The following ZKSCAN7 variants were observed in gnomAD, a reference collection of about 807,000 sequenced individuals.
ZKSCAN7 encodes the protein zinc finger protein with KRAB and SCAN domains 7.
In ZKSCAN7, 38 loss-of-function variants were observed where a neutral mutation model predicts 65.3. That is an observed-to-expected ratio of 0.58 (90% CI 0.45 to 0.76). The LOEUF is 0.76. Among genes scored for constraint, ZKSCAN7 ranks in the 30% least tolerant of loss-of-function variants. The pLI is 0.00. For synonymous variants in ZKSCAN7, 321 were observed against 321.0 expected (o/e 1.00, Z 0.00); for missense variants, 815 against 913.3 (o/e 0.89, Z 1.39).
intron 2 of ZKSCAN7, among the ~76,000 whole-genome samples, chr3:44,558,545 GAA>G (rs1575355892): frequency 1.3e-5 from 2 of 148,986 alleles, no homozygotes; most frequent in Non-Finnish European, 3.0e-5. Flanking sequence ...AAAAAGAAAA[GAA>G]AGAGAGATTT....
At chr3:44,555,955 TC>T (rs1699280435) in intron 1 of ZKSCAN7, among the ~76,000 whole-genome samples, 1 of 152,218 alleles carries the variant, frequency 6.6e-6, no homozygotes, top group Non-Finnish European at 1.5e-5. Flanking sequence ...TGACTGGAAG[TC>T]AGCTCTGCCC....
rs751607091 is a variant in ZKSCAN7 at position 44,571,352 on chromosome 3, G to A, written c.2242G>A (p.Gly748Ser). 1.9e-6 allele frequency: 3 copies of A among 1,614,154 alleles called. No homozygotes were observed. Among genetic ancestry groups the A allele is most frequent in the Non-Finnish European group, 2.5e-6 (3 of 1,180,036 alleles). ...AACTCACACTGGAGAGAAGTCCTCA[G>A]GTCTGGCTTGGTCAGTTTCTTAAGG... Reference protein sequence around the residue: ...QRTHTGEKSSGLAWSVS With the variant: ...QRTHTGEKSSSLAWSVS The change falls in exon 6 of 6, where the codon GGT becomes AGT. Residue 748 changes from glycine (G) to serine (S), a missense_variant. Coordinates refer to ENST00000426540, the MANE Select transcript of ZKSCAN7 (RefSeq NM_001288590.2).
chr3:44,566,773 C>T (rs909833437), intron 3 of ZKSCAN7, among the ~76,000 whole-genome samples: 4 of 151,558 alleles, frequency 2.6e-5, no homozygotes, highest in African/African-American at 4.9e-5. Context: ...CTTAGAACTA[C>T]AGGCATGCCA....
chr3:44,571,250 A>G lies in ZKSCAN7; in HGVS notation c.2140A>G (p.Thr714Ala), dbSNP rs773766099. ...SQLIVHQRVH[T>A]GEKPYECSEC... ...GCTTATTGTACACCAGAGAGTCCAC[A>G]CCGGAGAGAAACCTTATGAATGTAG... is the stretch of plus-strand genomic sequence containing the variant. The change falls in exon 6 of 6, where the codon ACC becomes GCC. Residue 714 changes from threonine to alanine, a missense_variant. Physicochemically the swap from Thr to Ala is moderately conservative, Grantham distance 58. This residue lies in a region of ZKSCAN7 where 578 missense variants were observed against 629.5 expected (regional missense o/e 0.92). Coordinates refer to ENST00000426540, the MANE Select transcript of ZKSCAN7 (RefSeq NM_001288590.2). The G allele has an allele frequency of 1.9e-6, 3 of 1,614,074 alleles. No homozygotes were observed. Among genetic ancestry groups the G allele is most frequent in the African/African-American group, 2.7e-5 (2 of 74,910 alleles).
chr3:44,573,791 A>G (rs1325535006), downstream of ZKSCAN7, among the ~76,000 whole-genome samples: 1 of 152,142 alleles, frequency 6.6e-6, no homozygotes, highest in Non-Finnish European at 1.5e-5. Flanking sequence ...TTGTCTGCTC[A>G]TCGCCTACCA....
chr3:44,557,622 T>A, intron 2 of ZKSCAN7, 152 bp downstream of exon 2: 2 of 1,060,970 alleles, frequency 1.9e-6, no homozygotes, highest in Non-Finnish European at 1.3e-6. Context: ...AGTTTTGTGC[T>A]CCAAGCCATA....
chr3:44,569,293 C>A (rs954149614), intron 5 of ZKSCAN7, among the ~76,000 whole-genome samples: 14 of 152,220 alleles, frequency 9.2e-5, no homozygotes, highest in African/African-American at 3.1e-4. Context: ...TCTGCAAACA[C>A]TGGGGCAGAA....
chr3:44,582,549 GTATT>G (rs1180489993), intron 5 of ZKSCAN7, among the ~76,000 whole-genome samples: 6 of 152,108 alleles, frequency 3.9e-5, no homozygotes, highest in Admixed American at 3.3e-4. Flanking sequence ...AAATTGCTGA[GTATT>G]TAGGCAATTA....
At chr3:44,557,662 G>C (rs1699339437) in intron 2 of ZKSCAN7, 192 bp downstream of exon 2, 4 of 719,502 alleles carry the variant, frequency 5.6e-6, no homozygotes, top group Non-Finnish European at 2.2e-6. Context: ...GCTAAGCTCT[G>C]TGATTCACCC....
intron 5 of ZKSCAN7, among the ~76,000 whole-genome samples, chr3:44,582,011 A>T (rs1191935017): frequency 6.6e-6 from 1 of 152,226 alleles, no homozygotes; most frequent in East Asian, 1.9e-4. Context: ...GAATACGCAC[A>T]TGGTGGCACT....
At chr3:44,574,458 T>C (rs978993522), downstream of ZKSCAN7, among the ~76,000 whole-genome samples, 1 of 152,224 alleles carries the variant, frequency 6.6e-6, no homozygotes, top group African/African-American at 2.4e-5. Context: ...CTTCCAAAAA[T>C]GTTGAGTAGT....
chr3:44,565,686 C>A, intron 3 of ZKSCAN7, 31 bp downstream of exon 3: 1 of 1,541,256 alleles, frequency 6.5e-7, no homozygotes, highest in South Asian at 1.2e-5. Context: ...GGCCTTAAGT[C>A]ATGCCTCCCT....
At chr3:44,580,297 C>G in intron 5 of ZKSCAN7, 2 of 1,613,994 alleles carry the variant, frequency 1.2e-6, no homozygotes, top group East Asian at 2.2e-5. Flanking sequence ...ATGGCGCTCT[C>G]CTCTTCTTTG....
At chr3:44,578,159 G>T (rs1699964485) in intron 5 of ZKSCAN7, 2 of 1,519,732 alleles carry the variant, frequency 1.3e-6, no homozygotes, top group Non-Finnish European at 1.8e-6. Context: ...TCAACCTGCT[G>T]ATGTCACAGT....
At chr3:44,574,214 T>C (rs115064385), downstream of ZKSCAN7, among the ~76,000 whole-genome samples, 5,224 of 152,194 alleles carry the variant, frequency 0.034, 207 homozygotes, top group African/African-American at 0.097. Context: ...CAGGCTCAGG[T>C]GATTCTCCCA....
intron 2 of ZKSCAN7, among the ~76,000 whole-genome samples, chr3:44,559,344 T>C (rs1018398980): frequency 2.0e-5 from 3 of 152,170 alleles, no homozygotes; most frequent in Non-Finnish European, 4.4e-5. Flanking sequence ...AGAAGCAGGG[T>C]GAACTAGAGG....
At chr3:44,578,738 G>A (rs532456051) in intron 5 of ZKSCAN7, among the ~76,000 whole-genome samples, 55 of 152,312 alleles carry the variant, frequency 3.6e-4, no homozygotes, top group African/African-American at 1.2e-3. Flanking sequence ...GATGGTGGCC[G>A]CTGTCTCCTC....
At chr3:44,581,208 G>A (rs1184667891) in intron 5 of ZKSCAN7, among the ~76,000 whole-genome samples, 7 of 147,016 alleles carry the variant, frequency 4.8e-5, no homozygotes, top group South Asian at 4.2e-4. Context: ...GCCTCACAGC[G>A]CGCGCGACGC....
downstream of ZKSCAN7, among the ~76,000 whole-genome samples, chr3:44,576,098 G>GT (rs778381346): frequency 2.4e-4 from 36 of 152,102 alleles, no homozygotes; most frequent in South Asian, 4.1e-4. Context: ...CATCCTTGCA[G>GT]TTTTTTTCAG....
Sources: gnomAD v4.1 joint callset for allele counts (sites outside exome capture counted in the v4.1 genomes callset) on GRCh38, gnomAD v4.1.1 for gene constraint, gnomAD v4.1.1 regional missense constraint, MANE v1.5 for transcripts, NCBI Gene and HGNC (gene_info 2026-07-23, HGNC 2026-07-21) for gene names.